The following CDHR1 variants were observed in gnomAD, a reference collection of about 807,000 sequenced individuals.
The protein encoded by CDHR1 is cadherin-related family member 1.
A neutral mutation model predicts 72.1 loss-of-function variants in CDHR1; 61 were observed. The ratio of observed to expected loss-of-function variants is 0.85; its 90% CI spans 0.69 to 1.05. CDHR1 has a LOEUF of 1.05. Ranked by LOEUF, CDHR1 falls within the 50% of genes least tolerant of loss-of-function variation. The probability of loss-of-function intolerance (pLI) is 0.00; values close to 1 mark genes in which losing one functional copy is unlikely to be tolerated. For synonymous variants in CDHR1, 470 were observed against 448.1 expected (o/e 1.05, Z -0.62); for missense variants, 1,186 against 1,115.7 (o/e 1.06, Z -0.90).
intron 5 of CDHR1, 113 bp from the exon 6 acceptor site, chr10:84,200,488 C>T: frequency 1.3e-6 from 1 of 747,424 alleles, no homozygotes; most frequent in Non-Finnish European, 2.4e-6. Context: ...CAATTGTTCA[C>T]CTCTTTTTGA....
chr10:84,217,158 AG>A lies in CDHR1; in HGVS notation c.*2539del, dbSNP rs1325080873. The stretch of plus-strand genomic sequence containing the variant: ...TGGAGGAGACCCCGCCAGTGGGGTG[AG>A]GCCAGCCAAGTCCCTGTGTTACGAA... On this transcript the variant is annotated 3_prime_UTR_variant, in exon 17 of 17. Coordinates refer to ENST00000623527, the MANE Select transcript of CDHR1 (RefSeq NM_033100.4). 1 of 985,472 alleles carries A rather than the reference AG, an allele frequency of 1.0e-6. No homozygotes were observed. Among genetic ancestry groups the A allele is most frequent in the Non-Finnish European group, 1.2e-6 (1 of 830,050 alleles). The allele number at this position is 985,472 out of a possible 1,614,324, so 61.0% of individuals were successfully genotyped here. A position where few individuals can be genotyped will look rare whatever the true frequency, so the allele number is the denominator to read the frequency against.
rs914063825 is a variant in CDHR1, at chr10:84,218,447, T to C, written c.*3826T>C. The C allele has an allele frequency of 1.0e-5, 10 of 985,348 alleles. No individual in the cohort carries two copies. Among genetic ancestry groups the C allele is most frequent in the Non-Finnish European group, 1.2e-5 (10 of 829,942 alleles). 61.0% of individuals were successfully genotyped at this position (985,348 alleles called of 1,614,324 possible). On this transcript the variant is annotated 3_prime_UTR_variant, in exon 17 of 17. Coordinates refer to ENST00000623527, the MANE Select transcript of CDHR1 (RefSeq NM_033100.4). Reference sequence around the variant, plus strand: ...TCAGCCATTCCTAGGGTGACAAGTTTGGAGTATATCTTCTGTGCCAGGCTC... The same window carrying C: ...TCAGCCATTCCTAGGGTGACAAGTTCGGAGTATATCTTCTGTGCCAGGCTC...
downstream of CDHR1, chr10:84,219,126 A>G (rs557765155): frequency 5.5e-6 from 8 of 1,459,980 alleles, no homozygotes; most frequent in African/African-American, 4.3e-5. Flanking sequence ...CTGGTACAAC[A>G]AAGTCAGTAA....
chr10:84,218,943 G>C (rs898205063), downstream of CDHR1: 1 of 545,566 alleles, frequency 1.8e-6, no homozygotes, highest in African/African-American at 1.9e-5. Flanking sequence ...TATGTGCCAG[G>C]TATTGTTCTG....
chr10:84,202,141 G>A (rs974409155), intron 7 of CDHR1, among the ~76,000 whole-genome samples: 2 of 152,146 alleles, frequency 1.3e-5, no homozygotes, highest in African/African-American at 2.4e-5. Flanking sequence ...CGAAACTAAT[G>A]GGCCAGGATC....
At chr10:84,218,799 C>G, downstream of CDHR1, 1 of 1,012,518 alleles carries the variant, frequency 9.9e-7, no homozygotes, top group Non-Finnish European at 1.2e-6. Flanking sequence ...AGTATACACA[C>G]ATATGTAGTC....
At chr10:84,200,016 CA>C in intron 5 of CDHR1, among the ~76,000 whole-genome samples, 1 of 152,032 alleles carries the variant, frequency 6.6e-6, no homozygotes, top group Non-Finnish European at 1.5e-5. Context: ...ACTAAAAATA[CA>C]AAATTAGCCT....
In CDHR1 at chr10:84,201,018, G is replaced by A. The variant is rs118106969; in HGVS notation, c.525+331G>A. ...CCCAGAATGGTCAATAGAAAAAAGA[G>A]CAGAAGAGACAACACTCAAAAGAAG... On this transcript the variant is annotated intron_variant, in intron 6 of 16. Coordinates refer to ENST00000623527, the MANE Select transcript of CDHR1 (RefSeq NM_033100.4). Among the ~76,000 whole-genome samples, 1,242 of 152,244 alleles carry A rather than the reference G, an allele frequency of 8.2e-3. 7 individuals carry two copies. The highest frequency in any genetic ancestry group is 0.012 in the Non-Finnish European group (814 of 68,010).
Position 84,217,276 on chromosome 10 carries a change from G to C in CDHR1, c.*2655G>C. ...TAGGCCTCCAGGGAAAGAGCTGGGA[G>C]GCAGGAATGGCACACTGGGCAGGCT... is the stretch of plus-strand genomic sequence containing the variant. On this transcript the variant is annotated 3_prime_UTR_variant, in exon 17 of 17. Transcript: ENST00000623527. The C allele has an allele frequency of 1.0e-6, 1 of 985,524 alleles. No homozygotes were observed. Among genetic ancestry groups the C allele is most frequent in the Non-Finnish European group, 1.2e-6 (1 of 829,980 alleles). 61.0% of individuals were successfully genotyped at this position (985,524 alleles called of 1,614,324 possible).
downstream of CDHR1, chr10:84,219,494 A>T (rs111840500): frequency 1.3e-5 from 8 of 601,694 alleles, no homozygotes; most frequent in African/African-American, 1.1e-4. Context: ...CTGAACATCC[A>T]CTCTCACCTT....
chr10:84,210,226 T>TTTTTTG (rs1842303972), intron 12 of CDHR1, among the ~76,000 whole-genome samples: 2 of 151,994 alleles, frequency 1.3e-5, no homozygotes, highest in Non-Finnish European at 1.5e-5. Context: ...TTTTTTTGTT[T>TTTTTTG]TTTTTGTTTT....
chr10:84,219,116 C>G (rs1333284302), downstream of CDHR1: 7 of 1,378,480 alleles, frequency 5.1e-6, no homozygotes, highest in Admixed American at 1.4e-4. Context: ...AGTAACTTCC[C>G]TGGTACAACA....
At position 84,217,699 on chromosome 10, in the gene CDHR1, A is replaced by G. The variant is rs763592194; in HGVS notation, c.*3078A>G. On this transcript the variant is annotated 3_prime_UTR_variant, in exon 17 of 17. Coordinates refer to ENST00000623527, the MANE Select transcript of CDHR1 (RefSeq NM_033100.4). Reference sequence around the variant, plus strand: ...CTGAAAGAGAGGACCCCCTCCATGCATCCTCACCCCCCAGGATGTTTCCAC... The same window carrying G: ...CTGAAAGAGAGGACCCCCTCCATGCGTCCTCACCCCCCAGGATGTTTCCAC... 4.1e-6 allele frequency: 4 copies of G among 985,440 alleles called. No individual in the cohort carries two copies. The highest frequency in any genetic ancestry group is 4.8e-6 in the Non-Finnish European group (4 of 829,986). The allele number at this position is 985,440 out of a possible 1,614,324, so 61.0% of individuals were successfully genotyped here.
In CDHR1 at chr10:84,215,295, TG is replaced by T; in HGVS notation, c.*675del. On this transcript the variant is annotated 3_prime_UTR_variant, in exon 17 of 17. Transcript: ENST00000623527. Reference sequence around the variant, plus strand: ...GACAGAGGACACAGAGGTGGAAGATTGATCTTGCCAAGAGTGAGGGCAGATG... The same window carrying T: ...GACAGAGGACACAGAGGTGGAAGATTATCTTGCCAAGAGTGAGGGCAGATG... 1.0e-6 allele frequency: 1 copy of T among 987,844 alleles called. No homozygotes were observed. Among genetic ancestry groups the T allele is most frequent in the Non-Finnish European group, 1.2e-6 (1 of 831,506 alleles). 61.2% of individuals were successfully genotyped at this position (987,844 alleles called of 1,614,324 possible).
Position 84,215,021 on chromosome 10 carries a change from G to T in CDHR1, c.*400G>T. 1 of 1,130,226 alleles carries T rather than the reference G, an allele frequency of 8.8e-7. No homozygotes were observed. Among genetic ancestry groups the T allele is most frequent in the Non-Finnish European group, 1.1e-6 (1 of 915,726 alleles). 70.0% of individuals were successfully genotyped at this position (1,130,226 alleles called of 1,614,324 possible). On this transcript the variant is annotated 3_prime_UTR_variant, in exon 17 of 17. Transcript: ENST00000623527. ...AGTCAAGCAGCAGGGCCCTGGCCACGTGGAGCAACACTGACTAGAATCTGG... is the reference window on the plus strand; with the variant it reads ...AGTCAAGCAGCAGGGCCCTGGCCACTTGGAGCAACACTGACTAGAATCTGG...
chr10:84,217,541 G>A lies in CDHR1; in HGVS notation c.*2920G>A. 1 of 980,004 alleles carries A rather than the reference G, an allele frequency of 1.0e-6. No individual in the cohort carries two copies. Among genetic ancestry groups the A allele is most frequent in the East Asian group, 1.1e-4 (1 of 8,788 alleles). 60.7% of individuals were successfully genotyped at this position (980,004 alleles called of 1,614,324 possible). A position where few individuals can be genotyped will look rare whatever the true frequency, so the allele number is the denominator to read the frequency against. The stretch of plus-strand genomic sequence containing the variant: ...GCCTCACTTTCCTCATTAACACAGG[G>A]TGCAAAGTATGGTTGCAGAGAGGAT... On this transcript the variant is annotated 3_prime_UTR_variant, in exon 17 of 17. Transcript: ENST00000623527.
chr10:84,217,287 C>G lies in CDHR1; in HGVS notation c.*2666C>G. The G allele has an allele frequency of 8.1e-6, 8 of 985,496 alleles. No homozygotes were observed. The highest frequency in any genetic ancestry group is 9.6e-6 in the Non-Finnish European group (8 of 829,964). The allele number at this position is 985,496 out of a possible 1,614,324, so 61.0% of individuals were successfully genotyped here. A position where few individuals can be genotyped will look rare whatever the true frequency, so the allele number is the denominator to read the frequency against. ...GGAAAGAGCTGGGAGGCAGGAATGG[C>G]ACACTGGGCAGGCTTGCCCATTCCT... On this transcript the variant is annotated 3_prime_UTR_variant, in exon 17 of 17. Transcript: ENST00000623527.
intron 8 of CDHR1, among the ~76,000 whole-genome samples, chr10:84,203,605 G>T (rs1589299533): frequency 6.6e-6 from 1 of 152,164 alleles, no homozygotes; most frequent in Non-Finnish European, 1.5e-5. Flanking sequence ...TAGTGGAGAA[G>T]GGGTTTCACC....
chr10:84,214,541 A>T lies in CDHR1; in HGVS notation c.2500A>T (p.Ser834Cys). 6.2e-7 allele frequency: 1 copy of T among 1,602,172 alleles called. No homozygotes were observed. Among genetic ancestry groups the T allele is most frequent in the Middle Eastern group, 1.6e-4 (1 of 6,062 alleles). ...QPPPKPKTMG[S>C]PVQSTLISEL... ...CCCGCCAAAACCCAAAACTATGGGA[A>T]GCCCCGTCCAGTCAACTCTGATCTC... The change falls in exon 17 of 17, where the codon AGC (serine) becomes TGC (cysteine). Residue 834 changes from serine (S) to cysteine (C), a missense_variant. By Grantham distance (112) the Ser-to-Cys change is moderately radical (BLOSUM62 -1). Coordinates refer to ENST00000623527, the MANE Select transcript of CDHR1 (RefSeq NM_033100.4).
Sources: allele counts gnomAD v4.1 joint callset (sites outside exome capture counted in the v4.1 genomes callset), GRCh38; gene constraint gnomAD v4.1.1; transcripts MANE v1.5; gene names NCBI Gene and HGNC (gene_info 2026-07-23, HGNC 2026-07-21).